The following SH3RF3 variants were observed in gnomAD, a reference collection of about 807,000 sequenced individuals.
SH3RF3 encodes SH3 domain containing ring finger 3.
SH3RF3 carries 29 observed loss-of-function variants against 66.3 expected under a neutral mutation model. That is an observed-to-expected ratio of 0.44 (90% CI 0.33 to 0.60). The LOEUF is 0.60. SH3RF3 is among the 20% of genes least tolerant of loss of function. The pLI is 0.04. For missense variants in SH3RF3, 1,194 were observed against 1,190.9 expected (o/e 1.00, Z -0.04); for synonymous variants, 583 against 532.0 (o/e 1.10, Z -1.32).
At chr2:109,246,014 G>A (rs927083515) in intron 1 of SH3RF3, among the ~76,000 whole-genome samples, 2 of 152,222 alleles carry the variant, frequency 1.3e-5, no homozygotes, top group African/African-American at 4.8e-5. Flanking sequence ...AACAAAAAAA[G>A]AGCATGGATT....
intron 1 of SH3RF3, among the ~76,000 whole-genome samples, chr2:109,159,361 G>A (rs1208597337): frequency 1.3e-5 from 2 of 152,246 alleles, no homozygotes; most frequent in African/African-American, 4.8e-5. Flanking sequence ...GCCCCAGGGC[G>A]AGGGTGTATG....
intron 1 of SH3RF3, among the ~76,000 whole-genome samples, chr2:109,195,653 G>C (rs1678480967): frequency 1.3e-5 from 2 of 152,300 alleles, no homozygotes; most frequent in East Asian, 1.9e-4. Flanking sequence ...CTCTGACCGT[G>C]TGCCAGAGAG....
chr2:109,335,026 A>G (rs1374408278), intron 1 of SH3RF3, among the ~76,000 whole-genome samples: 1 of 152,224 alleles, frequency 6.6e-6, no homozygotes, highest in Non-Finnish European at 1.5e-5. Context: ...TTGGCGACTT[A>G]CATGTGCTCC....
At chr2:109,450,639 AT>A (rs1677840354) in intron 8 of SH3RF3, among the ~76,000 whole-genome samples, 1 of 152,234 alleles carries the variant, frequency 6.6e-6, no homozygotes. Flanking sequence ...ATGTTTTAAA[AT>A]TGTTGATGAG....
At chr2:109,278,860 G>A (rs1372932689) in intron 1 of SH3RF3, among the ~76,000 whole-genome samples, 1 of 152,218 alleles carries the variant, frequency 6.6e-6, no homozygotes, top group Admixed American at 6.5e-5. Context: ...CAAGTGTGGG[G>A]ACGTGCACTC....
chr2:109,238,794 C>G (rs549490043), intron 1 of SH3RF3, among the ~76,000 whole-genome samples: 1 of 152,224 alleles, frequency 6.6e-6, no homozygotes, highest in South Asian at 2.1e-4. Context: ...GGCAAGGCCC[C>G]TGATGAAACC....
Position 109,347,918 on chromosome 2 carries a change from A to T in SH3RF3, c.818A>T (p.Asp273Val), listed in dbSNP as rs998035880. ...ALYDFEMKDK[D>V]QDKDCLTFTK... ...TATGATTTCGAGATGAAGGACAAAG[A>T]CCAAGACAAGGACTGTCTGACCTTC... is the stretch of plus-strand genomic sequence containing the variant. Residue 273 changes from aspartate to valine, a missense_variant, in exon 2 of 10, where the codon GAC (aspartate) becomes GTC (valine). By Grantham distance (152) the Asp-to-Val change is radical. Transcript: ENST00000309415. 1.2e-6 allele frequency: 2 copies of T among 1,608,950 alleles called. No homozygotes were observed. Among genetic ancestry groups the T allele is most frequent in the African/African-American group, 2.7e-5 (2 of 74,830 alleles).
At chr2:109,207,831 TTAAAC>T (rs1344762159) in intron 1 of SH3RF3, among the ~76,000 whole-genome samples, 1 of 152,210 alleles carries the variant, frequency 6.6e-6, no homozygotes, top group Non-Finnish European at 1.5e-5. Context: ...TTAAAAAAAA[TTAAAC>T]TATACCTCAT....
intron 1 of SH3RF3, among the ~76,000 whole-genome samples, chr2:109,222,822 A>G (rs1679285925): frequency 6.6e-6 from 1 of 152,264 alleles, no homozygotes; most frequent in Non-Finnish European, 1.5e-5. Context: ...GAAATAAAGC[A>G]CATTTTCCAG....
At chr2:109,162,753 G>T (rs2104913577) in intron 1 of SH3RF3, among the ~76,000 whole-genome samples, 1 of 152,300 alleles carries the variant, frequency 6.6e-6, no homozygotes, top group East Asian at 1.9e-4. Flanking sequence ...ATAATGGGAT[G>T]GCTGGGTCAA....
rs137928745 is a variant in SH3RF3, at chr2:109,438,542, C to G, written c.1828+1396C>G. On this transcript the variant is annotated intron_variant, in intron 7 of 9. Transcript: ENST00000309415. ...CTCTGCCATCTCAGATTCTGTAAGT[C>G]TCTACTAGTATCTTTTTTACTTAAA... Among the ~76,000 whole-genome samples the G allele has an allele frequency of 7.2e-5, 11 of 152,312 alleles. No homozygotes were observed. The East Asian group carries it at 2.1e-3, about 29-fold the overall frequency.
chr2:109,152,083 T>C (rs1000150172), intron 1 of SH3RF3, among the ~76,000 whole-genome samples: 6 of 152,268 alleles, frequency 3.9e-5, no homozygotes, highest in Non-Finnish European at 8.8e-5. Flanking sequence ...GTGGTCTTGA[T>C]GGACATGGAG....
Position 109,144,464 on chromosome 2 carries a change from G to C in SH3RF3, c.573+14351G>C, listed in dbSNP as rs140672078. ...TTTGTTCTTTCAGCCCTGGTTTCCT[G>C]TGTGTCTGAAGGCTCACGCCCAGCT... On this transcript the variant is annotated intron_variant, in intron 1 of 9. Transcript: ENST00000309415. Among the ~76,000 whole-genome samples, 1,127 of 152,356 alleles carry C rather than the reference G, an allele frequency of 7.4e-3. 8 individuals are homozygous for C. The highest frequency in any genetic ancestry group is 0.011 in the Non-Finnish European group (762 of 68,042).
chr2:109,369,223 C>CTGTA (rs199786858), intron 2 of SH3RF3, among the ~76,000 whole-genome samples: 3,930 of 151,990 alleles, frequency 0.026, 166 homozygotes, highest in African/African-American at 0.09. Context: ...TGGTGAGCAC[C>CTGTA]TGTAGTCCCA....
chr2:109,174,042 C>A (rs1323222533), intron 1 of SH3RF3, among the ~76,000 whole-genome samples: 4 of 152,184 alleles, frequency 2.6e-5, no homozygotes, highest in African/African-American at 4.8e-5. Flanking sequence ...CACAGCAGTG[C>A]GGTTTGGTGG....
At chr2:109,391,940 C>T (rs1346692366) in intron 3 of SH3RF3, among the ~76,000 whole-genome samples, 1 of 152,072 alleles carries the variant, frequency 6.6e-6, no homozygotes, top group Non-Finnish European at 1.5e-5. Context: ...ACCTCAGCCT[C>T]CTGAGTAGCC....
intron 9 of SH3RF3, among the ~76,000 whole-genome samples, chr2:109,497,405 A>C (rs1426417686): frequency 6.6e-6 from 1 of 152,222 alleles, no homozygotes; most frequent in East Asian, 1.9e-4. Flanking sequence ...CAGAACATCC[A>C]AACCTCGCAC....
At chr2:109,459,513 A>T (rs1215203565) in intron 8 of SH3RF3, among the ~76,000 whole-genome samples, 2 of 152,054 alleles carry the variant, frequency 1.3e-5, no homozygotes, top group Non-Finnish European at 2.9e-5. Flanking sequence ...GTCACGGGGC[A>T]TTGTGATTGA....
intron 1 of SH3RF3, among the ~76,000 whole-genome samples, chr2:109,314,164 G>A (rs1196041584): frequency 6.6e-6 from 1 of 152,120 alleles, no homozygotes; most frequent in African/African-American, 2.4e-5. Context: ...GTCGTGGTCT[G>A]TGTCCCGGGA....
Sources: gnomAD v4.1 joint callset for allele counts (sites outside exome capture counted in the v4.1 genomes callset) on GRCh38, gnomAD v4.1.1 for gene constraint, MANE v1.5 for transcripts, NCBI Gene and HGNC (gene_info 2026-07-23, HGNC 2026-07-21) for gene names.